ABL2: variants seen among roughly 807,000 people sequenced by gnomAD.
ABL2 encodes ABL proto-oncogene 2, non-receptor tyrosine kinase.
A neutral mutation model predicts 107.7 loss-of-function variants in ABL2; 49 were observed. That is an observed-to-expected ratio of 0.45 (90% confidence interval 0.36 to 0.58). ABL2 has a LOEUF of 0.58. ABL2 is among the 20% of genes least tolerant of loss of function. ABL2 has a pLI of 0.00. For missense variants in ABL2, 1,245 were observed against 1,457.0 expected (o/e 0.85, Z 2.37); for synonymous variants, 549 against 548.6 (o/e 1.00, Z -0.01).
chr1:179,180,076 G>C (rs1372324747), intron 1 of ABL2, among the ~76,000 whole-genome samples: 5 of 151,644 alleles, frequency 3.3e-5, no homozygotes, highest in African/African-American at 1.2e-4. Context: ...ACTCCAGCCT[G>C]GGTACTGCAC....
At position 179,141,635 on chromosome 1, in the gene ABL2, C is replaced by G. The variant is rs147278917; in HGVS notation, c.158-8261G>C. 2.3e-3 allele frequency among the ~76,000 whole-genome samples: 351 copies of G among 152,330 alleles called. 4 individuals carry two copies. Among genetic ancestry groups the G allele is most frequent in the African/African-American group, 7.7e-3 (320 of 41,566 alleles). ...ACAATCCTTCTTATTCCCCATTCCC[C>G]TTCTTCCCGTCTCTGGTTTTACGGT... On this transcript the variant is annotated intron_variant, in intron 1 of 11. Transcript: ENST00000502732.
intron 1 of ABL2, among the ~76,000 whole-genome samples, chr1:179,208,406 G>A (rs780034615): frequency 6.6e-6 from 1 of 151,864 alleles, no homozygotes; most frequent in Non-Finnish European, 1.5e-5. Context: ...CAGGGTATTT[G>A]GTTTTCTGTT....
chr1:179,108,545 C>T lies in ABL2; in HGVS notation c.2722G>A (p.Gly908Arg), dbSNP rs145907038. Residue 908 changes from glycine (G) to arginine (R), a missense_variant, in exon 12 of 12, where the codon GGA (glycine) becomes AGA (arginine). Coordinates refer to ENST00000502732, the MANE Select transcript of ABL2 (RefSeq NM_007314.4). Reference protein sequence around the residue: ...RLGMAGVPEDGEQPGWPSPAK... With the variant: ...RLGMAGVPEDREQPGWPSPAK... ...GGAGAAGGCCAGCCCGGCTGCTCTC[C>T]ATCCTCTGGAACTCCAGCCATCCCA... is the stretch of plus-strand genomic sequence containing the variant. The T allele has an allele frequency of 4.6e-5, 74 of 1,614,032 alleles. No individual in the cohort carries two copies. Among genetic ancestry groups the T allele is most frequent in the Non-Finnish European group, 6.3e-5 (74 of 1,180,024 alleles).
intron 3 of ABL2, among the ~76,000 whole-genome samples, chr1:179,130,723 ATT>A (rs1006826497): frequency 8.7e-6 from 1 of 114,612 alleles, no homozygotes; most frequent in South Asian, 2.8e-4. Flanking sequence ...ATCATTATTG[ATT>A]TTGTGTGTGT....
chr1:179,130,426 T>C (rs1572659727), intron 3 of ABL2, among the ~76,000 whole-genome samples: 1 of 152,226 alleles, frequency 6.6e-6, no homozygotes, highest in Admixed American at 6.5e-5. Flanking sequence ...TATTACTTAG[T>C]TCAGCTAATA....
At chr1:179,186,702 T>C (rs542860075) in intron 1 of ABL2, among the ~76,000 whole-genome samples, 7 of 152,148 alleles carry the variant, frequency 4.6e-5, no homozygotes, top group African/African-American at 1.4e-4. Flanking sequence ...TGCCGGACTT[T>C]CCATTTAACT....
rs1271521457 is a variant in ABL2, at chr1:179,107,858, G to A, written c.3409C>T (p.Arg1137Ter). 6.2e-6 allele frequency: 10 copies of A among 1,614,160 alleles called. No individual in the cohort carries two copies. Among genetic ancestry groups the A allele is most frequent in the South Asian group, 1.1e-5 (1 of 91,082 alleles). The part of the protein sequence containing the change: ...IPQTRNKFAF[R>*]EAVSKLELSL... Reference sequence around the variant, plus strand: ...AGTTCCAGTTTGCTCACAGCCTCTCGGAAGGCAAATTTGTTGCGAGTTTGA... The same window carrying A: ...AGTTCCAGTTTGCTCACAGCCTCTCAGAAGGCAAATTTGTTGCGAGTTTGA... Residue 1137 changes from arginine to a stop codon, truncating the protein, a stop_gained, in exon 12 of 12, where the codon CGA becomes TGA. Transcript: ENST00000502732. LOFTEE classifies it high-confidence loss of function.
chr1:179,216,159 G>T (rs988043817), intron 1 of ABL2, among the ~76,000 whole-genome samples: 19 of 152,186 alleles, frequency 1.2e-4, no homozygotes, highest in Non-Finnish European at 2.6e-4. Flanking sequence ...GAAGCCGGCA[G>T]TTCTACCACG....
At chr1:179,190,495 G>A (rs572851667) in intron 1 of ABL2, among the ~76,000 whole-genome samples, 121 of 152,224 alleles carry the variant, frequency 7.9e-4, no homozygotes, top group Middle Eastern at 6.8e-3. Context: ...TCTAGGTTTC[G>A]TGGAAGCTTC....
At chr1:179,110,616 G>A (rs891109887) in intron 10 of ABL2, 161 bp from the exon 11 acceptor site, 22 of 1,507,534 alleles carry the variant, frequency 1.5e-5, no homozygotes, top group South Asian at 8.0e-5. Context: ...GGCTTCTTTC[G>A]CCCAGTATCA....
intron 3 of ABL2, among the ~76,000 whole-genome samples, chr1:179,128,814 C>G (rs1199241998): frequency 6.6e-6 from 1 of 152,106 alleles, no homozygotes; most frequent in African/African-American, 2.4e-5. Context: ...CCCCCAAGTA[C>G]CTGGGTCTAC....
Position 179,108,004 on chromosome 1 carries a change from G to T in ABL2, c.3263C>A (p.Ala1088Asp), listed in dbSNP as rs367698238. The change falls in exon 12 of 12, where the codon GCC becomes GAC. Residue 1088 changes from alanine to aspartate, a missense_variant. By Grantham distance (126) the Ala-to-Asp change is moderately radical. This residue lies in a region of ABL2 where 761 missense variants were observed against 766.4 expected (regional missense o/e 0.99). Transcript: ENST00000502732. ...CAGTAGGTCAGCACATTCCAGCAGG[G>T]CCTCTTTGCTGATTTTGTCTGCTGA... ...KISADKISKE[A>D]LLECADLLSS... 7 of 1,614,092 alleles carry T rather than the reference G, an allele frequency of 4.3e-6. No homozygotes were observed. Among genetic ancestry groups the T allele is most frequent in the Non-Finnish European group, 5.1e-6 (6 of 1,180,052 alleles).
chr1:179,214,597 T>C (rs1405927356), intron 1 of ABL2, among the ~76,000 whole-genome samples: 5 of 147,942 alleles, frequency 3.4e-5, no homozygotes, highest in African/African-American at 1.2e-4. Context: ...GGAGAATTGA[T>C]GGACTATTCA....
At chr1:179,113,196 G>A (rs1654272377) in intron 9 of ABL2, among the ~76,000 whole-genome samples, 1 of 152,192 alleles carries the variant, frequency 6.6e-6, no homozygotes, top group Admixed American at 6.5e-5. Context: ...TTACAGGTGT[G>A]AGCCACTGCA....
chr1:179,147,180 G>GAAAAAA (rs759304566), intron 1 of ABL2, among the ~76,000 whole-genome samples: 1 of 5,812 alleles, frequency 1.7e-4, no homozygotes, highest in Non-Finnish European at 2.8e-4. Flanking sequence ...TCAGAGAAAT[G>GAAAAAA]CAAAAAAAAA....
intron 1 of ABL2, among the ~76,000 whole-genome samples, chr1:179,155,487 T>C (rs977673166): frequency 3.9e-5 from 6 of 152,108 alleles, no homozygotes; most frequent in African/African-American, 1.4e-4. Flanking sequence ...CCCAGCACTT[T>C]GGGAGGCCGA....
intron 1 of ABL2, among the ~76,000 whole-genome samples, chr1:179,193,561 C>T (rs1321037122): frequency 2.0e-5 from 3 of 151,866 alleles, no homozygotes; most frequent in Admixed American, 6.6e-5. Flanking sequence ...CCTGCGACCA[C>T]GCCCACCTAA....
At chr1:179,196,865 A>AT (rs1047421246) in intron 1 of ABL2, among the ~76,000 whole-genome samples, 2 of 152,258 alleles carry the variant, frequency 1.3e-5, no homozygotes, top group South Asian at 2.1e-4. Context: ...TTTTACCACA[A>AT]TTTTTTTATA....
chr1:179,224,316 G>A (rs1231873490), intron 1 of ABL2, among the ~76,000 whole-genome samples: 1 of 152,020 alleles, frequency 6.6e-6, no homozygotes, highest in East Asian at 1.9e-4. Flanking sequence ...GCCCAGGCTG[G>A]AGTGCAGGTG....
Sources: allele counts gnomAD v4.1 joint callset (sites outside exome capture counted in the v4.1 genomes callset), GRCh38; gene constraint gnomAD v4.1.1; regional missense constraint gnomAD v4.1.1; transcripts MANE v1.5; gene names NCBI Gene and HGNC (gene_info 2026-07-23, HGNC 2026-07-21).